The following VIPR2 variants were observed in gnomAD, a reference collection of about 807,000 sequenced individuals.
VIPR2 encodes the protein vasoactive intestinal peptide receptor 2, also known as vasoactive intestinal polypeptide receptor 2.
Under a neutral mutation model 58.0 loss-of-function variants are expected in VIPR2, and 48 were observed. That is an observed-to-expected ratio of 0.83 (90% confidence interval 0.66 to 1.05). The LOEUF (loss-of-function observed/expected upper bound fraction) is 1.05, where lower values mean the gene tolerates loss of function less well. Ranked by LOEUF, VIPR2 falls within the 50% of genes least tolerant of loss-of-function variation. The pLI is 0.00. For synonymous variants in VIPR2, 243 were observed against 235.2 expected (o/e 1.03, Z -0.30); for missense variants, 534 against 558.0 (o/e 0.96, Z 0.43).
Position 159,118,931 on chromosome 7 carries a change from G to T in VIPR2, c.152-9012C>A, listed in dbSNP as rs150148486. On this transcript the variant is annotated intron_variant, in intron 2 of 12. Coordinates refer to ENST00000262178, the MANE Select transcript of VIPR2 (RefSeq NM_003382.5). ...CTCCTACAGACCACACCTCCATACA[G>T]ACCACACCTTCAGAGGAAAATTCGC... 3.3e-5 allele frequency among the ~76,000 whole-genome samples: 5 copies of T among 152,312 alleles called. No homozygotes were observed. The South Asian group carries it at 1.0e-3, about 32-fold the overall frequency.
intron 5 of VIPR2, among the ~76,000 whole-genome samples, chr7:159,052,981 GCTATCACCACTT>G (rs1855094136): frequency 6.6e-6 from 1 of 152,136 alleles, no homozygotes; most frequent in Non-Finnish European, 1.5e-5. Context: ...AATGTTGTTT[GCTATCACCACTT>G]CTATTCAACA....
At chr7:159,065,481 C>T (rs1478628713) in intron 4 of VIPR2, among the ~76,000 whole-genome samples, 2 of 152,230 alleles carry the variant, frequency 1.3e-5, no homozygotes, top group African/African-American at 4.8e-5. Flanking sequence ...TCACAGGGCT[C>T]CGTGACTGCC....
In VIPR2 at chr7:159,034,534, A is replaced by T. The variant is rs571344640; in HGVS notation, c.879+47T>A. On this transcript the variant is annotated intron_variant, in intron 9 of 12. Transcript: ENST00000262178. ...GGATGGCAGGCTTGCTGTCTGCCCA[A>T]GTGTGTGATTCCACAGATAATCCAC... The T allele has an allele frequency of 3.8e-6, 6 of 1,565,696 alleles. No individual in the cohort carries two copies. The Admixed American group carries it at 1.0e-4, about 26-fold the overall frequency.
intron 5 of VIPR2, among the ~76,000 whole-genome samples, chr7:159,053,625 T>A (rs73169221): frequency 0.11 from 16,442 of 152,252 alleles, 1,032 homozygotes; most frequent in East Asian, 0.19. Context: ...CACTGCAGCC[T>A]CAACCTGGGC....
chr7:159,143,759 G>C (rs1270210669), intron 1 of VIPR2, among the ~76,000 whole-genome samples: 1 of 152,256 alleles, frequency 6.6e-6, no homozygotes, highest in Non-Finnish European at 1.5e-5. Context: ...GACGTTCCTG[G>C]AATATGCACA....
In VIPR2 at chr7:159,030,439, C is replaced by T. The variant is rs1219880696; in HGVS notation, c.*177G>A. 1 of 648,482 alleles carries T rather than the reference C, an allele frequency of 1.5e-6. No homozygotes were observed. The highest frequency in any genetic ancestry group is 2.4e-6 in the Non-Finnish European group (1 of 418,348). 40.2% of individuals were successfully genotyped at this position (648,482 alleles called of 1,614,324 possible). A position where few individuals can be genotyped will look rare whatever the true frequency, so the allele number is the denominator to read the frequency against. On this transcript the variant is annotated 3_prime_UTR_variant, in exon 13 of 13. Coordinates refer to ENST00000262178, the MANE Select transcript of VIPR2 (RefSeq NM_003382.5). ...GCTGGAGTTTAAATCGAGTCAATGACAACACGACTCCAATTCCAGGTATGG... is the reference window on the plus strand; with the variant it reads ...GCTGGAGTTTAAATCGAGTCAATGATAACACGACTCCAATTCCAGGTATGG...
At chr7:159,043,220 G>A in intron 5 of VIPR2, 44 bp from the exon 6 acceptor site, 1 of 1,507,820 alleles carries the variant, frequency 6.6e-7, no homozygotes, top group Non-Finnish European at 9.1e-7. Context: ...AGGGGGAAGG[G>A]GAGGGAGGGA....
intron 8 of VIPR2, 142 bp from the exon 9 acceptor site, chr7:159,034,792 G>C: frequency 1.4e-6 from 1 of 700,276 alleles, no homozygotes; most frequent in Non-Finnish European, 2.6e-6. Context: ...GATCGTAAAG[G>C]AATCTGTCCC....
rs568770025 is a variant in VIPR2 at position 159,104,098 on chromosome 7, T to C, written c.260-244A>G. On this transcript the variant is annotated intron_variant, in intron 3 of 12. Transcript: ENST00000262178. ...AGTGAACGCACTGTGTCATAAGTCA[T>C]AATTACCGCAACTGTAAGTGTAGTT... Among the ~76,000 whole-genome samples the C allele has an allele frequency of 6.8e-4, 103 of 152,274 alleles. 1 individual carries two copies. Among genetic ancestry groups the C allele is most frequent in the African/African-American group, 2.3e-3 (96 of 41,550 alleles).
At position 159,139,284 on chromosome 7, in the gene VIPR2, TG is replaced by T. The variant is rs374562986; in HGVS notation, c.151+3161del. On this transcript the variant is annotated intron_variant, in intron 2 of 12. Coordinates refer to ENST00000262178, the MANE Select transcript of VIPR2 (RefSeq NM_003382.5). Reference sequence around the variant, plus strand: ...TTTGCCAGCAGCCTCCTTTTGACACTGGGGGTTTCCTAAGCCAGTTCTCCTC... The same window carrying T: ...TTTGCCAGCAGCCTCCTTTTGACACTGGGGTTTCCTAAGCCAGTTCTCCTC... 1.8e-3 allele frequency among the ~76,000 whole-genome samples: 280 copies of T among 152,346 alleles called. 2 individuals are homozygous for T. The highest frequency in any genetic ancestry group is 6.1e-3 in the African/African-American group (255 of 41,582).
At chr7:159,124,093 G>A (rs1465160180) in intron 2 of VIPR2, among the ~76,000 whole-genome samples, 3 of 152,180 alleles carry the variant, frequency 2.0e-5, no homozygotes, top group Non-Finnish European at 4.4e-5. Flanking sequence ...CCATTATGTA[G>A]GTTGTCTGTT....
chr7:159,033,499 A>G (rs1853717815), intron 10 of VIPR2, among the ~76,000 whole-genome samples: 1 of 152,190 alleles, frequency 6.6e-6, no homozygotes, highest in South Asian at 2.1e-4. Context: ...AAAAAAAATA[A>G]ATTCTTGATA....
At position 159,029,473 on chromosome 7, in the gene VIPR2, G is replaced by C. The variant is rs567422743; in HGVS notation, c.*1143C>G. The stretch of plus-strand genomic sequence containing the variant: ...GCGCCAGCTCTGGGGAGGAGGGCTT[G>C]AAACAGTTTTATATGTTGTTAAAAT... On this transcript the variant is annotated 3_prime_UTR_variant, in exon 13 of 13. Coordinates refer to ENST00000262178, the MANE Select transcript of VIPR2 (RefSeq NM_003382.5). 3 of 152,388 alleles carry C rather than the reference G, an allele frequency of 2.0e-5. No individual in the cohort carries two copies. In the East Asian group the frequency reaches 5.8e-4, roughly 29 times the overall value. 9.4% of individuals were successfully genotyped at this position (152,388 alleles called of 1,614,324 possible).
At chr7:159,037,115 A>C (rs1020094597) in intron 6 of VIPR2, among the ~76,000 whole-genome samples, 1 of 152,232 alleles carries the variant, frequency 6.6e-6, no homozygotes, top group Non-Finnish European at 1.5e-5. Flanking sequence ...CCGCGGCTCC[A>C]GAGGAGGATC....
chr7:159,099,947 C>T lies in VIPR2; in HGVS notation c.357+3810G>A, dbSNP rs114307068. Among the ~76,000 whole-genome samples the T allele has an allele frequency of 2.9e-3, 444 of 152,310 alleles. 3 individuals carry two copies. The highest frequency in any genetic ancestry group is 0.01 in the African/African-American group (428 of 41,570). ...CCTGGCTGAGCTGGGTGCAGCCATG[C>T]GCCCCAGGATCCTCCCTGAGGACCT... On this transcript the variant is annotated intron_variant, in intron 4 of 12. Coordinates refer to ENST00000262178, the MANE Select transcript of VIPR2 (RefSeq NM_003382.5). The surrounding 1 kb of genome is among the most constrained non-coding windows in gnomAD (Gnocchi z 4.2).
chr7:159,085,022 G>C (rs1376928048), intron 4 of VIPR2, among the ~76,000 whole-genome samples: 1 of 152,180 alleles, frequency 6.6e-6, no homozygotes, highest in African/African-American at 2.4e-5. Flanking sequence ...CTGTGTAAAA[G>C]CATTAGCAAG....
intron 4 of VIPR2, among the ~76,000 whole-genome samples, chr7:159,063,431 A>C (rs1855841743): frequency 6.6e-6 from 1 of 151,882 alleles, no homozygotes; most frequent in African/African-American, 2.4e-5. Context: ...CGGCCGCTCC[A>C]AGTGCGGGGC....
At chr7:159,119,571 C>T (rs549172302) in intron 2 of VIPR2, among the ~76,000 whole-genome samples, 16 of 152,358 alleles carry the variant, frequency 1.1e-4, no homozygotes, top group African/African-American at 3.4e-4. Context: ...ACAACCCCAA[C>T]GCTCTGACAT....
intron 4 of VIPR2, among the ~76,000 whole-genome samples, chr7:159,086,784 C>T (rs1355273835): frequency 6.6e-6 from 1 of 152,200 alleles, no homozygotes; most frequent in Non-Finnish European, 1.5e-5. Context: ...TAGGATGGCA[C>T]AAAGCCATGA....
Sources: gnomAD v4.1 joint callset for allele counts (sites outside exome capture counted in the v4.1 genomes callset) on GRCh38, gnomAD v4.1.1 for gene constraint, Gnocchi (gnomAD v3.1) non-coding constraint, MANE v1.5 for transcripts, NCBI Gene and HGNC (gene_info 2026-07-23, HGNC 2026-07-21) for gene names.